Variants in GAS6 observed in about 807,000 individuals in gnomAD.
GAS6 encodes the protein growth arrest-specific protein 6.
GAS6 carries 41 observed loss-of-function variants against 75.8 expected under a neutral mutation model. The ratio of observed to expected loss-of-function variants is 0.54; its 90% CI spans 0.42 to 0.70. The LOEUF is 0.70. Ranked by LOEUF, GAS6 falls within the 30% of genes least tolerant of loss-of-function variation. GAS6 has a pLI of 0.00. For synonymous variants in GAS6, 432 were observed against 412.6 expected (o/e 1.05, Z -0.57); for missense variants, 854 against 940.2 (o/e 0.91, Z 1.20).
chr13:113,842,072 TTCCTCCATACGCCCCA>T, intron 4 of GAS6: 1 of 100,044 alleles, frequency 1.0e-5, no homozygotes, highest in Non-Finnish European at 2.1e-5. Context: ...ACGCCCCAGT[TTCCTCCATACGCCCCA>T]GTTTCCTCCA....
chr13:113,842,505 C>A (rs552252093), intron 4 of GAS6: 14 of 396,190 alleles, frequency 3.5e-5, no homozygotes, highest in Middle Eastern at 6.3e-4. Context: ...TACCTGGGTG[C>A]TGTGTCCGCG....
At position 113,844,435 on chromosome 13, in the gene GAS6, C is replaced by A. The variant is rs2051816631; in HGVS notation, c.343+2092G>T. ...GGACGGCCTTCTTTGCTGCAAATAG[C>A]CAGAAGTGAACTGAGCAAAGGAAGC... On this transcript the variant is annotated intron_variant, in intron 4 of 14. Transcript: ENST00000327773. The surrounding 1 kb of genome is among the most constrained non-coding windows in gnomAD (Gnocchi z 5.7). 6.6e-6 allele frequency: 1 copy of A among 150,474 alleles called. No individual in the cohort carries two copies. The highest frequency in any genetic ancestry group is 1.9e-4 in the East Asian group (1 of 5,202). The allele number at this position is 150,474 out of a possible 1,614,324, so 9.3% of individuals were successfully genotyped here. A position where few individuals can be genotyped will look rare whatever the true frequency, so the allele number is the denominator to read the frequency against.
At chr13:113,825,416 G>A (rs764478305) in intron 12 of GAS6, among the ~76,000 whole-genome samples, 2 of 152,042 alleles carry the variant, frequency 1.3e-5, no homozygotes, top group Non-Finnish European at 2.9e-5. Context: ...CAGCAGAGTC[G>A]CTGCAGAGTG....
chr13:113,851,848 C>T (rs923476428), intron 2 of GAS6, among the ~76,000 whole-genome samples: 1 of 152,214 alleles, frequency 6.6e-6, no homozygotes, highest in African/African-American at 2.4e-5. Flanking sequence ...GCTGTAATTC[C>T]TCAAGTTTAC....
At chr13:113,826,115 G>C (rs1301643216) in intron 12 of GAS6, among the ~76,000 whole-genome samples, 1 of 152,188 alleles carries the variant, frequency 6.6e-6, no homozygotes, top group Non-Finnish European at 1.5e-5. Context: ...CCCGGAGCCT[G>C]CACTGGGGAG....
intron 2 of GAS6, among the ~76,000 whole-genome samples, chr13:113,852,732 T>G (rs2051885507): frequency 6.6e-6 from 1 of 151,976 alleles, no homozygotes; most frequent in Admixed American, 6.6e-5. Flanking sequence ...AGGGCAAAGG[T>G]CAAGCATGGC....
At chr13:113,854,805 G>T (rs2051901499) in intron 2 of GAS6, among the ~76,000 whole-genome samples, 1 of 152,366 alleles carries the variant, frequency 6.6e-6, no homozygotes, top group African/African-American at 2.4e-5. Context: ...AGGGATGCTG[G>T]CCACAAGAAA....
At chr13:113,821,864 A>C (rs968636132) in intron 14 of GAS6, 94 bp downstream of exon 14, 39 of 1,024,764 alleles carry the variant, frequency 3.8e-5, no homozygotes, top group Non-Finnish European at 5.4e-5. Context: ...ATTCACTACC[A>C]GAAACCCCAG....
chr13:113,863,254 A>T lies in GAS6; in HGVS notation c.255+321T>A, dbSNP rs959339466. On this transcript the variant is annotated intron_variant, in intron 2 of 14. Coordinates refer to ENST00000327773, the MANE Select transcript of GAS6 (RefSeq NM_000820.4). This position sits in a 1 kb window ranked among gnomAD's most constrained non-coding sequence, Gnocchi z 9.4. ...TCCTCACCTCCAGCCCAGCAGAGGG[A>T]GGGCCGCGGGGAAGCGGTTTGGGTT... is the stretch of plus-strand genomic sequence containing the variant. 1.3e-5 allele frequency among the ~76,000 whole-genome samples: 2 copies of T among 152,044 alleles called. No individual in the cohort carries two copies. Among genetic ancestry groups the T allele is most frequent in the African/African-American group, 2.4e-5 (1 of 41,402 alleles).
intron 14 of GAS6, 60 bp from the exon 15 acceptor site, chr13:113,821,078 C>T (rs1341558217): frequency 5.1e-6 from 8 of 1,574,596 alleles, no homozygotes; most frequent in Non-Finnish European, 6.9e-6. Context: ...CCCGCCTGGC[C>T]CCCCCACCCC....
chr13:113,846,956 T>C, intron 3 of GAS6: 1 of 481,848 alleles, frequency 2.1e-6, no homozygotes, highest in Non-Finnish European at 4.1e-6. Context: ...TGGGAAACGC[T>C]GTGCTTAACT....
intron 2 of GAS6, among the ~76,000 whole-genome samples, chr13:113,855,473 G>C (rs1349858475): frequency 6.6e-6 from 1 of 152,218 alleles, no homozygotes; most frequent in African/African-American, 2.4e-5. Flanking sequence ...TTACAAATGG[G>C]GAGGTTTATT....
At chr13:113,838,505 G>T (rs1485525849) in intron 5 of GAS6, among the ~76,000 whole-genome samples, 1 of 140,480 alleles carries the variant, frequency 7.1e-6, no homozygotes. Flanking sequence ...GGACCCCGGG[G>T]GTGCACAGCC....
Position 113,839,730 on chromosome 13 carries a change from T to C in GAS6, c.464A>G (p.Lys155Arg), listed in dbSNP as rs2051755727. 6.2e-7 allele frequency: 1 copy of C among 1,613,584 alleles called. No homozygotes were observed. The highest frequency in any genetic ancestry group is 8.5e-7 in the Non-Finnish European group (1 of 1,179,796). Residue 155 changes from lysine (K) to arginine (R), a missense_variant and splice_region_variant, in exon 5 of 15, where the codon AAA (lysine) becomes AGA (arginine). Coordinates refer to ENST00000327773, the MANE Select transcript of GAS6 (RefSeq NM_000820.4). The stretch of plus-strand genomic sequence containing the variant: ...CCTTTGTCTTCAGCCTCACGTACCT[T>C]TGTCGCAGAGCCGGCCCCCCCAGCC... ...KAGWGGRLCD[K>R]DVNECSQENG...
At chr13:113,824,227 C>A (rs1277870431) in intron 12 of GAS6, among the ~76,000 whole-genome samples, 1 of 111,098 alleles carries the variant, frequency 9.0e-6, no homozygotes. Context: ...GGAGCACGCG[C>A]GGTCTGGGGT....
Position 113,838,151 on chromosome 13 carries a change from C to A in GAS6, c.507G>T (p.Gln169His), listed in dbSNP as rs905606667. ...AGCTACCCGGCTTGTTGTGGCAGAT[C>A]TGGAGGCAGCCCCCGTTCTCCTGGC... ...ECSQENGGCL[Q>H]ICHNKPGSFH... is the part of the protein sequence containing the mutation. Residue 169 changes from glutamine (Q) to histidine (H), a missense_variant, in exon 6 of 15, where the codon CAG (glutamine) becomes CAT (histidine). Transcript: ENST00000327773. 6.2e-7 allele frequency: 1 copy of A among 1,612,816 alleles called. No homozygotes were observed. Among genetic ancestry groups the A allele is most frequent in the African/African-American group, 1.3e-5 (1 of 74,912 alleles).
At chr13:113,861,503 C>T (rs1223200645) in intron 2 of GAS6, among the ~76,000 whole-genome samples, 1 of 152,244 alleles carries the variant, frequency 6.6e-6, no homozygotes, top group Non-Finnish European at 1.5e-5. Context: ...ATTTCAAAGA[C>T]AAGGAGCCCC....
In GAS6 at chr13:113,857,484, T is replaced by C. The variant is rs112266488; in HGVS notation, c.255+6091A>G. Among the ~76,000 whole-genome samples, 594 of 152,274 alleles carry C rather than the reference T, an allele frequency of 3.9e-3. 8 individuals carry two copies. Among genetic ancestry groups the C allele is most frequent in the African/African-American group, 0.014 (570 of 41,550 alleles). ...GGAAGAGTCCAGAGCATTTCCAACATCAAATACGAAACCCTTAAACAAGCA... is the reference window on the plus strand; with the variant it reads ...GGAAGAGTCCAGAGCATTTCCAACACCAAATACGAAACCCTTAAACAAGCA... On this transcript the variant is annotated intron_variant, in intron 2 of 14. Transcript: ENST00000327773.
At chr13:113,858,637 GTGTT>G (rs200248560) in intron 2 of GAS6, among the ~76,000 whole-genome samples, 2,808 of 110,634 alleles carry the variant, frequency 0.025, 81 homozygotes, top group Admixed American at 0.051. Context: ...GCATGTCTGT[GTGTT>G]TGTGACTGTA....
Sources: allele counts gnomAD v4.1 joint callset (sites outside exome capture counted in the v4.1 genomes callset), GRCh38; gene constraint gnomAD v4.1.1; non-coding constraint Gnocchi (gnomAD v3.1); transcripts MANE v1.5; gene names NCBI Gene and HGNC (gene_info 2026-07-23, HGNC 2026-07-21).